PPP1R13L: variants seen among roughly 807,000 people sequenced by gnomAD.
PPP1R13L encodes the protein protein phosphatase 1 regulatory subunit 13 like.
A neutral mutation model predicts 80.9 loss-of-function variants in PPP1R13L; 50 were observed. The observed-to-expected ratio is 0.62, with a 90% CI of 0.49 to 0.78. PPP1R13L has a LOEUF of 0.78. Ranked by LOEUF, PPP1R13L falls within the 30% of genes least tolerant of loss-of-function variation. PPP1R13L has a pLI of 0.00. For missense variants in PPP1R13L, 1,200 were observed against 1,205.9 expected, an observed-to-expected ratio of 1.00 and a Z score of 0.07; for synonymous variants, 602 against 534.3, an observed-to-expected ratio of 1.13 and a Z score of -1.75.
At chr19:45,394,564 ACCTCCG>A (rs2123378456) in intron 7 of PPP1R13L, 1 of 149,672 alleles carries the variant, frequency 6.7e-6, no homozygotes, top group East Asian at 2.0e-4. Context: ...GCTCACTGCC[ACCTCCG>A]CCTCCTTGGC....
In PPP1R13L at chr19:45,398,101, C is replaced by A; in HGVS notation, c.102G>T (p.Thr34=). The A allele has an allele frequency of 1.2e-6, 2 of 1,614,182 alleles. No individual in the cohort carries two copies. Among genetic ancestry groups the A allele is most frequent in the South Asian group, 1.1e-5 (1 of 91,084 alleles). The change falls in exon 3 of 13, where the codon ACG becomes ACT. Residue 34 remains threonine (T), a synonymous_variant. Coordinates refer to ENST00000360957, the MANE Select transcript of PPP1R13L (RefSeq NM_006663.4). ...HMDLKQMELD[T]AAAKVDELTK... The stretch of plus-strand genomic sequence containing the variant: ...TCAGTTCATCCACCTTGGCCGCCGC[C>A]GTGTCCAGCTCCATCTGCTTCAGAT...
Position 45,395,600 on chromosome 19 carries a change from AG to A in PPP1R13L, c.1189del (p.Leu397SerfsTer53), listed in dbSNP as rs1216698512. 3 of 1,459,180 alleles carry A rather than the reference AG, an allele frequency of 2.1e-6. No homozygotes were observed. Among genetic ancestry groups the A allele is most frequent in the African/African-American group, 1.5e-5 (1 of 66,452 alleles). The allele number at this position is 1,459,180 out of a possible 1,614,324, so 90.4% of individuals were successfully genotyped here. On this transcript the variant is annotated frameshift_variant, in exon 7 of 13. Coordinates refer to ENST00000360957, the MANE Select transcript of PPP1R13L (RefSeq NM_006663.4). LOFTEE classifies it high-confidence loss of function. The stretch of plus-strand genomic sequence containing the variant: ...CTTAGGCGGGGGTGCTCGGGTGAAG[AG>A]GGGGGACCCAGGGAGCATGGCGCGG... The part of the protein sequence containing the change: ...ASRAMLPGSP[L>X]FTRAPPPKLQ...
Position 45,398,155 on chromosome 19 carries a change from G to A in PPP1R13L, c.56-8C>T. The A allele has an allele frequency of 1.2e-6, 2 of 1,613,606 alleles. No homozygotes were observed. Among genetic ancestry groups the A allele is most frequent in the South Asian group, 2.2e-5 (2 of 91,062 alleles). ...TGTGTTTCATGGCCAGCGCTGGGAA[G>A]GTGGGAGTGGAGGTAAGGACCTGGC... On this transcript the variant is annotated splice_region_variant and splice_polypyrimidine_tract_variant and intron_variant, in intron 2 of 12. Transcript: ENST00000360957.
intron 1 of PPP1R13L, among the ~76,000 whole-genome samples, chr19:45,399,251 G>GT (rs2123396184): frequency 6.8e-6 from 1 of 146,622 alleles, no homozygotes; most frequent in Non-Finnish European, 1.5e-5. Flanking sequence ...CCTTGTTTTT[G>GT]TTTTTTAATA....
intron 7 of PPP1R13L, among the ~76,000 whole-genome samples, chr19:45,393,805 G>A (rs1396192466): frequency 6.6e-6 from 1 of 151,844 alleles, no homozygotes; most frequent in Non-Finnish European, 1.5e-5. Flanking sequence ...CCCGGGAGGC[G>A]GAGCTTGCAG....
intron 8 of PPP1R13L, among the ~76,000 whole-genome samples, chr19:45,387,607 T>C (rs1000812860): frequency 1.7e-4 from 26 of 152,220 alleles, no homozygotes; most frequent in African/African-American, 6.3e-4. Flanking sequence ...CAGGCTGGAG[T>C]GCAGTGGTGC....
At chr19:45,382,502 C>T in intron 12 of PPP1R13L, 25 bp downstream of exon 12, 1 of 1,602,902 alleles carries the variant, frequency 6.2e-7, no homozygotes. Context: ...TCGGGAGGTC[C>T]CCATGACTTC....
intron 11 of PPP1R13L, among the ~76,000 whole-genome samples, chr19:45,384,325 A>C (rs1335112007): frequency 6.9e-6 from 1 of 144,026 alleles, no homozygotes; most frequent in Non-Finnish European, 1.5e-5. Flanking sequence ...GTTTGAGACC[A>C]GCCTGGCCAA....
At chr19:45,403,872 A>T (rs768100172) in intron 1 of PPP1R13L, among the ~76,000 whole-genome samples, 43 of 152,050 alleles carry the variant, frequency 2.8e-4, no homozygotes, top group Non-Finnish European at 5.4e-4. Context: ...GGAGATAGAC[A>T]GAGGGAGGTG....
At position 45,396,380 on chromosome 19, in the gene PPP1R13L, C is replaced by G. The variant is rs1309280349; in HGVS notation, c.769G>C (p.Val257Leu). 1 of 1,614,052 alleles carries G rather than the reference C, an allele frequency of 6.2e-7. No individual in the cohort carries two copies. Among genetic ancestry groups the G allele is most frequent in the Non-Finnish European group, 8.5e-7 (1 of 1,180,018 alleles). Residue 257 changes from valine to leucine, a missense_variant, in exon 5 of 13, where the codon GTG (valine) becomes CTG (leucine). Val to Leu is a conservative substitution (Grantham distance 32). Transcript: ENST00000360957. This position sits in a 1 kb window ranked among gnomAD's most constrained non-coding sequence, Gnocchi z 5.3. The stretch of plus-strand genomic sequence containing the variant: ...TGCGAAGGCTTCTTCTCGTACGCCA[C>G]GTCCAGGTCAGACTCGTTCCAGGCT... The part of the protein sequence containing the change: ...PKAWNESDLD[V>L]AYEKKPSQTA...
In PPP1R13L at chr19:45,396,153, G is replaced by A. The variant is rs762218396; in HGVS notation, c.903+15C>T. ...ACCTTCCCCAGCCTCTCCTCCCCAGGCGTCGCCTCCTCACCTTGCCGGTGC... is the reference window on the plus strand; with the variant it reads ...ACCTTCCCCAGCCTCTCCTCCCCAGACGTCGCCTCCTCACCTTGCCGGTGC... On this transcript the variant is annotated intron_variant, in intron 6 of 12. Coordinates refer to ENST00000360957, the MANE Select transcript of PPP1R13L (RefSeq NM_006663.4). This position sits in a 1 kb window ranked among gnomAD's most constrained non-coding sequence, Gnocchi z 5.3. The A allele has an allele frequency of 3.1e-6, 5 of 1,592,986 alleles. No individual in the cohort carries two copies. Among genetic ancestry groups the A allele is most frequent in the Admixed American group, 1.7e-5 (1 of 57,492 alleles).
intron 1 of PPP1R13L, 38 bp from the exon 2 acceptor site, chr19:45,398,377 G>A (rs1001051771): frequency 6.3e-7 from 1 of 1,592,936 alleles, no homozygotes; most frequent in Non-Finnish European, 8.5e-7. Flanking sequence ...CTAAGACCCC[G>A]CCCCTCTAGA....
chr19:45,390,084 C>T (rs1056085128), intron 8 of PPP1R13L, among the ~76,000 whole-genome samples: 4 of 150,200 alleles, frequency 2.7e-5, no homozygotes, highest in Non-Finnish European at 4.4e-5. Flanking sequence ...AACCACCACG[C>T]CCGGCCTATT....
intron 8 of PPP1R13L, among the ~76,000 whole-genome samples, chr19:45,387,173 CAGG>C (rs1017644188): frequency 2.6e-5 from 4 of 151,706 alleles, no homozygotes; most frequent in Non-Finnish European, 4.4e-5. Flanking sequence ...GAGGCTGAGG[CAGG>C]AGGATTACTT....
chr19:45,386,186 G>A lies in PPP1R13L; in HGVS notation c.1816-6C>T, dbSNP rs757728307. The stretch of plus-strand genomic sequence containing the variant: ...CGCAGCACAGAGCGCATCTCCTGGG[G>A]GACAGGGCGCAGAGGTCAGCGACTT... On this transcript the variant is annotated splice_region_variant and splice_polypyrimidine_tract_variant and intron_variant, in intron 8 of 12. Transcript: ENST00000360957. 3 of 1,513,198 alleles carry A rather than the reference G, an allele frequency of 2.0e-6. No individual in the cohort carries two copies. In the South Asian group the frequency reaches 3.9e-5, roughly 20 times the overall value. 93.7% of individuals were successfully genotyped at this position (1,513,198 alleles called of 1,614,324 possible). A position where few individuals can be genotyped will look rare whatever the true frequency, so the allele number is the denominator to read the frequency against.
At position 45,380,189 on chromosome 19, in the gene PPP1R13L, G is replaced by A; in HGVS notation, c.*1C>T. ...AGCCTCAGAAACCTCCTTCTATCCTGCTAGACTTTACTCCTTTGAGGCTTC... is the reference window on the plus strand; with the variant it reads ...AGCCTCAGAAACCTCCTTCTATCCTACTAGACTTTACTCCTTTGAGGCTTC... On this transcript the variant is annotated 3_prime_UTR_variant, in exon 13 of 13. Transcript: ENST00000360957. The A allele has an allele frequency of 5.0e-6, 8 of 1,614,000 alleles. No homozygotes were observed. The highest frequency in any genetic ancestry group is 6.8e-6 in the Non-Finnish European group (8 of 1,179,956).
intron 12 of PPP1R13L, among the ~76,000 whole-genome samples, chr19:45,381,227 T>C (rs1358623330): frequency 1.3e-5 from 2 of 151,272 alleles, no homozygotes; most frequent in African/African-American, 4.9e-5. Context: ...GCTAACTTTT[T>C]TTTTTTGTAT....
chr19:45,384,196 C>G (rs1031495932), intron 11 of PPP1R13L, among the ~76,000 whole-genome samples: 5 of 151,730 alleles, frequency 3.3e-5, no homozygotes, highest in African/African-American at 1.2e-4. Flanking sequence ...CCTCCTGCCT[C>G]AGCCTCCTCC....
chr19:45,392,731 A>G (rs1973002840), intron 7 of PPP1R13L: 8 of 306,060 alleles, frequency 2.6e-5, no homozygotes, highest in Non-Finnish European at 4.4e-5. Flanking sequence ...ACCAACCGTG[A>G]TAGATGTGAT....
Sources: allele counts gnomAD v4.1 joint callset (sites outside exome capture counted in the v4.1 genomes callset), GRCh38; gene constraint gnomAD v4.1.1; non-coding constraint Gnocchi (gnomAD v3.1); transcripts MANE v1.5; gene names NCBI Gene and HGNC (gene_info 2026-07-23, HGNC 2026-07-21).